DMXL1: variants seen among roughly 807,000 people sequenced by gnomAD.
DMXL1 encodes Dmx like 1, also known as dmX-like protein 1.
DMXL1 carries 99 observed loss-of-function variants against 319.2 expected under a neutral mutation model. The ratio of observed to expected loss-of-function variants is 0.31; its 90% CI spans 0.26 to 0.37. DMXL1 has a LOEUF of 0.37. Ranked by LOEUF, DMXL1 falls within the 10% of genes least tolerant of loss-of-function variation. The pLI, the probability that DMXL1 is intolerant of heterozygous loss-of-function variation, is 1.00. For missense variants in DMXL1, 3,745 were observed against 3,595.6 expected (o/e 1.04, Z -1.06); for synonymous variants, 1,385 against 1,235.2 (o/e 1.12, Z -2.54).
intron 40 of DMXL1, among the ~76,000 whole-genome samples, chr5:119,237,784 A>G (rs769694129): frequency 7.9e-5 from 12 of 152,020 alleles, no homozygotes; most frequent in Admixed American, 5.9e-4. Context: ...TCTCTTATGA[A>G]CAAACAAAGT....
chr5:119,198,209 A>T lies in DMXL1; in HGVS notation c.7745+253A>T, dbSNP rs1025382727. ...TCACCATGTTGGCCAGGCTGGTCTC[A>T]AACTCCTGACCTCAGGTGATCCACC... On this transcript the variant is annotated intron_variant, in intron 32 of 43. Transcript: ENST00000539542. Among the ~76,000 whole-genome samples, 33 of 152,094 alleles carry T rather than the reference A, an allele frequency of 2.2e-4. No individual in the cohort carries two copies. In the South Asian group the frequency reaches 2.9e-3, roughly 13 times the overall value.
At chr5:119,103,210 T>C (rs1351117446) in intron 3 of DMXL1, among the ~76,000 whole-genome samples, 2 of 152,174 alleles carry the variant, frequency 1.3e-5, no homozygotes, top group Non-Finnish European at 2.9e-5. Flanking sequence ...TGCTTAACTC[T>C]CAAATTGATT....
chr5:119,116,090 T>G, intron 6 of DMXL1, 68 bp from the exon 7 acceptor site: 1 of 1,442,658 alleles, frequency 6.9e-7, no homozygotes, highest in Non-Finnish European at 9.3e-7. Flanking sequence ...AAATTCTTAC[T>G]TTTGCTATTT....
In DMXL1 at chr5:119,173,758, A is replaced by G. The variant is rs1347362314; in HGVS notation, c.6682-1503A>G. On this transcript the variant is annotated intron_variant, in intron 25 of 43. Coordinates refer to ENST00000539542, the MANE Select transcript of DMXL1 (RefSeq NM_001290321.3). ...TGTGTATATATATATGTGTGTGTAT[A>G]TATATATATGTGTGTGTGTATATAT... Among the ~76,000 whole-genome samples, 9 of 113,158 alleles carry G rather than the reference A, an allele frequency of 8.0e-5. 1 individual carries two copies. Among genetic ancestry groups the G allele is most frequent in the African/African-American group, 3.4e-4 (9 of 26,098 alleles). The allele number at this position is 113,158 out of a possible 152,430, so 74.2% of individuals were successfully genotyped here. A position where few individuals can be genotyped will look rare whatever the true frequency, so the allele number is the denominator to read the frequency against.
intron 1 of DMXL1, among the ~76,000 whole-genome samples, chr5:119,085,309 G>A (rs148283101): frequency 0.017 from 2,512 of 151,832 alleles, 75 homozygotes; most frequent in African/African-American, 0.056. Context: ...TCCAGCCTGG[G>A]CAACAGAGTG....
intron 39 of DMXL1, among the ~76,000 whole-genome samples, chr5:119,236,065 A>G (rs1009144803): frequency 6.6e-6 from 1 of 152,142 alleles, no homozygotes; most frequent in African/African-American, 2.4e-5. Flanking sequence ...TAAATTTTTT[A>G]AAAGACAAAT....
chr5:119,132,690 A>T, intron 10 of DMXL1: 1 of 442,298 alleles, frequency 2.3e-6, no homozygotes, highest in Non-Finnish European at 4.5e-6. Flanking sequence ...AAAAAAAAAA[A>T]TGGAGCAAGT....
At chr5:119,237,519 A>T in intron 40 of DMXL1, 105 bp downstream of exon 40, 1 of 671,976 alleles carries the variant, frequency 1.5e-6, no homozygotes, top group Non-Finnish European at 2.6e-6. Context: ...AATAAAATAT[A>T]GTCCTGTGTT....
rs149649927 is a variant in DMXL1 at position 119,098,005 on chromosome 5, A to G, written c.114A>G (p.Val38=). The G allele has an allele frequency of 7.5e-6, 12 of 1,604,952 alleles. No homozygotes were observed. The highest frequency in any genetic ancestry group is 5.2e-5 in the Admixed American group (3 of 57,680). ...CTTATGCATCTGGATGTGACATTGT[A>G]ATACTGGGAAGCGATTTTGAAAGAT... ...FTAYASGCDI[V]ILGSDFERLQ... is the part of the protein sequence containing the mutation. The change falls in exon 2 of 44, where the codon GTA becomes GTG. Residue 38 remains valine (V), a synonymous_variant. Coordinates refer to ENST00000539542, the MANE Select transcript of DMXL1 (RefSeq NM_001290321.3).
At chr5:119,097,443 C>T (rs997278033) in intron 1 of DMXL1, among the ~76,000 whole-genome samples, 14 of 152,224 alleles carry the variant, frequency 9.2e-5, no homozygotes, top group East Asian at 1.9e-4. Context: ...GTGAGCCGGG[C>T]GCAGTGGCTC....
chr5:119,121,888 G>A (rs1448717389), intron 9 of DMXL1, among the ~76,000 whole-genome samples: 5 of 149,926 alleles, frequency 3.3e-5, no homozygotes, highest in African/African-American at 1.2e-4. Context: ...CCTCCTGGAC[G>A]GGGCGGCTGG....
In DMXL1 at chr5:119,116,221, G is replaced by T; in HGVS notation, c.628G>T (p.Asp210Tyr). 6.2e-7 allele frequency: 1 copy of T among 1,613,916 alleles called. No homozygotes were observed. Among genetic ancestry groups the T allele is most frequent in the Non-Finnish European group, 8.5e-7 (1 of 1,179,960 alleles). Residue 210 changes from aspartate (D) to tyrosine (Y), a missense_variant, in exon 7 of 44, where the codon GAT (aspartate) becomes TAT (tyrosine). Physicochemically the swap from Asp to Tyr is radical, Grantham distance 160. Around this residue, in one of 4 missense-constraint regions of DMXL1, gnomAD observed 2,096 missense variants for 1,985.4 expected, o/e 1.06. Transcript: ENST00000539542. ...CTGGCGGACAGCTGTTACTTCTCCA[G>T]ATGGAAGTTCAGAAAAACAATCCCA... ...ENWRTAVTSP[D>Y]GSSEKQSQGE...
intron 30 of DMXL1, among the ~76,000 whole-genome samples, chr5:119,195,572 T>C (rs2150401768): frequency 6.6e-6 from 1 of 152,252 alleles, no homozygotes; most frequent in East Asian, 1.9e-4. Flanking sequence ...TTTCAAGGGC[T>C]GGTGGTGGGG....
At chr5:119,136,512 G>A (rs1326857812) in intron 13 of DMXL1, among the ~76,000 whole-genome samples, 2 of 152,254 alleles carry the variant, frequency 1.3e-5, no homozygotes, top group African/African-American at 2.4e-5. Context: ...TGGGGAAAAT[G>A]TCTCTGGGAC....
At chr5:119,201,042 A>G (rs556499662) in intron 32 of DMXL1, among the ~76,000 whole-genome samples, 4 of 152,064 alleles carry the variant, frequency 2.6e-5, no homozygotes, top group Non-Finnish European at 5.9e-5. Flanking sequence ...CTCTCTTCCT[A>G]TGTGGATGCC....
intron 28 of DMXL1, among the ~76,000 whole-genome samples, chr5:119,179,241 AG>A (rs1207017376): frequency 6.6e-6 from 1 of 151,578 alleles, no homozygotes; most frequent in East Asian, 1.9e-4. Context: ...TTTAATACAT[AG>A]TACTTGAAAA....
At chr5:119,112,210 C>G (rs1054654371) in intron 5 of DMXL1, among the ~76,000 whole-genome samples, 1 of 152,220 alleles carries the variant, frequency 6.6e-6, no homozygotes, top group African/African-American at 2.4e-5. Context: ...ATCTGCCTGC[C>G]TCAGCCTCCC....
chr5:119,191,214 A>G (rs1241709170), intron 29 of DMXL1, among the ~76,000 whole-genome samples: 1 of 152,234 alleles, frequency 6.6e-6, no homozygotes, highest in East Asian at 1.9e-4. Flanking sequence ...AATACTGTGC[A>G]AAACAAGGAC....
At chr5:119,129,639 G>A (rs998741826) in intron 10 of DMXL1, among the ~76,000 whole-genome samples, 1 of 152,056 alleles carries the variant, frequency 6.6e-6, no homozygotes, top group African/African-American at 2.4e-5. Context: ...CATTCTTCTG[G>A]TTTTGTTAGC....
Sources: gnomAD v4.1 joint callset for allele counts (sites outside exome capture counted in the v4.1 genomes callset) on GRCh38, gnomAD v4.1.1 for gene constraint, gnomAD v4.1.1 regional missense constraint, MANE v1.5 for transcripts, NCBI Gene and HGNC (gene_info 2026-07-23, HGNC 2026-07-21) for gene names.